Variants in PVT1 observed in about 807,000 individuals in gnomAD.
PVT1 encodes the protein CXCR4/PVT1 fusion.
At chr8:127,900,550 A>G (rs1815746339) in intron 3 of PVT1, among the ~76,000 whole-genome samples, 1 of 152,204 alleles carries the variant, frequency 6.6e-6, no homozygotes. Context: ...TAGGTAGGTG[A>G]CATAACGTAT....
intron 4 of PVT1, chr8:127,999,130 A>T (rs1460601621): frequency 6.6e-6 from 1 of 151,978 alleles, no homozygotes; most frequent in Non-Finnish European, 1.5e-5. Context: ...AACACATATG[A>T]ATACTTACCT....
chr8:128,058,306 G>A (rs1169613983), intron 4 of PVT1, among the ~76,000 whole-genome samples: 1 of 151,968 alleles, frequency 6.6e-6, no homozygotes, highest in Non-Finnish European at 1.5e-5. Context: ...TTATAAAACA[G>A]TACATACCTC....
rs146618989 is a variant in PVT1, at chr8:128,011,279, T to C, written n.912+21988T>C. On this transcript the variant is annotated intron_variant and non_coding_transcript_variant, in intron 4 of 10. Transcript: ENST00000651587. ...GATAATCTTTTGTGGGGGAGTGTTA[T>C]GGACTGAACTGTTTTCCTTCTTCCA... Among the ~76,000 whole-genome samples the C allele has an allele frequency of 4.5e-3, 692 of 152,334 alleles. 1 individual carries two copies. Among genetic ancestry groups the C allele is most frequent in the Non-Finnish European group, 7.0e-3 (473 of 68,024 alleles).
chr8:127,856,356 TTTC>T (rs1213411197), intron 2 of PVT1, among the ~76,000 whole-genome samples: 1 of 152,016 alleles, frequency 6.6e-6, no homozygotes, highest in Non-Finnish European at 1.5e-5. Flanking sequence ...TATATTTTTT[TTTC>T]TTTTTTTTTT....
chr8:127,902,484 A>G (rs1055234817), intron 3 of PVT1, among the ~76,000 whole-genome samples: 4 of 148,496 alleles, frequency 2.7e-5, no homozygotes, highest in Non-Finnish European at 5.9e-5. Context: ...CAGGTTTGTT[A>G]CAGAGGTATA....
chr8:127,897,637 CAAAG>C (rs1018223420), intron 3 of PVT1, among the ~76,000 whole-genome samples: 9 of 98,666 alleles, frequency 9.1e-5, no homozygotes, highest in South Asian at 3.0e-4. Context: ...GAAAGACAGA[CAAAG>C]AAAGAAAGAC....
intron 3 of PVT1, among the ~76,000 whole-genome samples, chr8:127,959,872 G>A (rs1004267872): frequency 2.0e-5 from 3 of 152,136 alleles, no homozygotes; most frequent in Non-Finnish European, 2.9e-5. Flanking sequence ...CAGGTGAGGC[G>A]CCTGCAGAAT....
At chr8:128,016,314 C>G (rs1017713150) in intron 4 of PVT1, among the ~76,000 whole-genome samples, 2 of 148,642 alleles carry the variant, frequency 1.3e-5, no homozygotes, top group South Asian at 4.2e-4. Flanking sequence ...TAACCATTCT[C>G]TGCCATAAAT....
At chr8:127,851,347 A>G (rs1815105400) in intron 2 of PVT1, among the ~76,000 whole-genome samples, 1 of 152,160 alleles carries the variant, frequency 6.6e-6, no homozygotes, top group Non-Finnish European at 1.5e-5. Flanking sequence ...AGGGCCATGG[A>G]ATTAGAGAAT....
intron 5 of PVT1, chr8:128,082,806 C>A (rs1814204350): frequency 6.6e-6 from 1 of 152,210 alleles, no homozygotes; most frequent in African/African-American, 2.4e-5. Context: ...TATGAGGTGA[C>A]AAGTCAATAG....
chr8:128,057,064 C>A (rs189618668), intron 4 of PVT1, among the ~76,000 whole-genome samples: 28 of 152,282 alleles, frequency 1.8e-4, no homozygotes, highest in African/African-American at 6.7e-4. Flanking sequence ...CCAGGCTGAG[C>A]TGACGTCAAG....
At chr8:128,061,637 T>G (rs891613066) in intron 4 of PVT1, among the ~76,000 whole-genome samples, 3 of 152,252 alleles carry the variant, frequency 2.0e-5, no homozygotes, top group African/African-American at 7.2e-5. Flanking sequence ...TGCTCGTTCT[T>G]GGGCTCATTA....
At chr8:127,981,603 C>T (rs1342144727) in intron 3 of PVT1, among the ~76,000 whole-genome samples, 1 of 152,192 alleles carries the variant, frequency 6.6e-6, no homozygotes, top group East Asian at 1.9e-4. Flanking sequence ...AACTTAACAC[C>T]TCTGAAGTGG....
At chr8:127,908,250 C>T (rs555000740) in intron 3 of PVT1, among the ~76,000 whole-genome samples, 4 of 151,900 alleles carry the variant, frequency 2.6e-5, no homozygotes, top group South Asian at 2.1e-4. Context: ...GTTGGTCGGC[C>T]GTGAGGAGGG....
intron 3 of PVT1, among the ~76,000 whole-genome samples, chr8:127,981,836 A>G (rs116839933): frequency 0.011 from 1,690 of 152,212 alleles, 33 homozygotes; most frequent in African/African-American, 0.037. Flanking sequence ...CTCACATATT[A>G]TCTTCTTCAG....
chr8:127,991,282 A>C lies in PVT1; in HGVS notation n.912+1991A>C, dbSNP rs1434357718. On this transcript the variant is annotated intron_variant and non_coding_transcript_variant, in intron 4 of 10. Coordinates refer to ENST00000651587, the Ensembl canonical transcript of PVT1. ...CTCAGCCTCTTGAGTAGCTGGGACT[A>C]CAGGTGCCCACCACCACGCCTGGCT... 2.0e-5 allele frequency among the ~76,000 whole-genome samples: 3 copies of C among 151,666 alleles called. No homozygotes were observed. The East Asian group carries it at 5.8e-4, about 29-fold the overall frequency.
chr8:128,071,874 A>G (rs942855321), intron 5 of PVT1, among the ~76,000 whole-genome samples: 6 of 152,096 alleles, frequency 3.9e-5, no homozygotes, highest in African/African-American at 1.4e-4. Context: ...ACAGGCTCCT[A>G]CAGAATCCTG....
At chr8:128,024,675 C>T (rs939706119) in intron 4 of PVT1, among the ~76,000 whole-genome samples, 2 of 152,030 alleles carry the variant, frequency 1.3e-5, no homozygotes, top group African/African-American at 4.8e-5. Context: ...TAGGCCTCCA[C>T]GTGAGCACCT....
chr8:127,852,919 G>T (rs1287865712), intron 2 of PVT1, among the ~76,000 whole-genome samples: 2 of 152,196 alleles, frequency 1.3e-5, no homozygotes, highest in East Asian at 3.9e-4. Flanking sequence ...TCCAGCTGAC[G>T]TGGAGAGAGA....
Sources: gnomAD v4.1 joint callset for allele counts (sites outside exome capture counted in the v4.1 genomes callset) on GRCh38, gnomAD v4.1.1 for gene constraint, MANE v1.5 for transcripts, NCBI Gene and HGNC (gene_info 2026-07-23, HGNC 2026-07-21) for gene names.